PDE1C: variants seen among roughly 807,000 people sequenced by gnomAD.
PDE1C encodes the protein phosphodiesterase 1C, also known as dual specificity calcium/calmodulin-dependent 3',5'-cyclic nucleotide phosphodiesterase 1C.
Under a neutral mutation model 93.1 loss-of-function variants are expected in PDE1C, and 62 were observed. The ratio of observed to expected loss-of-function variants is 0.67; its 90% CI spans 0.54 to 0.82. PDE1C has a LOEUF of 0.82. Among genes scored for constraint, PDE1C ranks in the 40% least tolerant of loss-of-function variants. PDE1C has a pLI of 0.00. For synonymous variants in PDE1C, 325 were observed against 310.1 expected (o/e 1.05, Z -0.50); for missense variants, 742 against 884.6 (o/e 0.84, Z 2.04).
chr7:32,363,064 C>T lies in PDE1C; in HGVS notation c.310+64758G>A, dbSNP rs573187951. ...AGAGCATTCACTGTGTGCCAAGCAC[C>T]GTTCAGCTTCCTTTATAAATATAGT... is the stretch of plus-strand genomic sequence containing the variant. On this transcript the variant is annotated intron_variant, in intron 1 of 1. Coordinates refer to the PDE1C transcript ENST00000672256. Among the ~76,000 whole-genome samples the T allele has an allele frequency of 2.3e-3, 344 of 152,326 alleles. 1 individual carries two copies. The highest frequency in any genetic ancestry group is 3.8e-3 in the Non-Finnish European group (260 of 68,034).
the PDE1C span, among the ~76,000 whole-genome samples, chr7:31,702,216 T>TA: frequency 6.6e-6 from 1 of 151,972 alleles, no homozygotes; most frequent in African/African-American, 2.4e-5. Flanking sequence ...TATTTTTTTT[T>TA]TTGCCTCTAC....
chr7:32,354,538 G>T (rs1194000286), intron 1 of PDE1C, among the ~76,000 whole-genome samples: 1 of 152,172 alleles, frequency 6.6e-6, no homozygotes, highest in African/African-American at 2.4e-5. Flanking sequence ...GGCCGAGACT[G>T]CAATGAGCTG....
chr7:31,738,609 G>A, the PDE1C span, among the ~76,000 whole-genome samples: 1 of 152,132 alleles, frequency 6.6e-6, no homozygotes, highest in Non-Finnish European at 1.5e-5. Flanking sequence ...AGCTAGGAGA[G>A]GCATTTCTGC....
intron 1 of PDE1C, among the ~76,000 whole-genome samples, chr7:32,379,831 T>C (rs1046743109): frequency 1.3e-5 from 2 of 152,216 alleles, no homozygotes; most frequent in Non-Finnish European, 2.9e-5. Flanking sequence ...GTCCCTGGAA[T>C]TAGTCTTTCT....
chr7:32,370,225 G>A (rs538792938), intron 1 of PDE1C, among the ~76,000 whole-genome samples: 38 of 152,198 alleles, frequency 2.5e-4, no homozygotes, highest in Admixed American at 1.7e-3. Flanking sequence ...CGAGGAGGGC[G>A]GATCACGAGG....
chr7:32,239,256 C>T (rs1808370037), intron 1 of PDE1C, among the ~76,000 whole-genome samples: 1 of 151,874 alleles, frequency 6.6e-6, no homozygotes, highest in Non-Finnish European at 1.5e-5. Flanking sequence ...TATAGCCAAG[C>T]GTGATGGTGT....
At chr7:31,873,147 C>T (rs1249661358) in intron 6 of PDE1C, 145 bp downstream of exon 6, 1 of 593,282 alleles carries the variant, frequency 1.7e-6, no homozygotes, top group Non-Finnish European at 3.0e-6. Context: ...GAGGAATTCA[C>T]AGCAGTGGCT....
intron 1 of PDE1C, among the ~76,000 whole-genome samples, chr7:32,390,905 G>A (rs113928426): frequency 1.1e-4 from 17 of 151,790 alleles, no homozygotes; most frequent in African/African-American, 4.1e-4. Context: ...TAAAATTAAA[G>A]GCATTAAAAT....
At chr7:31,704,389 G>A in the PDE1C span, among the ~76,000 whole-genome samples, 1 of 152,134 alleles carries the variant, frequency 6.6e-6, no homozygotes, top group Non-Finnish European at 1.5e-5. Context: ...ATTGGCCCTT[G>A]GAGACTTTGG....
chr7:31,872,192 A>G (rs1005050677), intron 6 of PDE1C, among the ~76,000 whole-genome samples: 3 of 152,178 alleles, frequency 2.0e-5, no homozygotes, highest in African/African-American at 7.2e-5. Flanking sequence ...GCAGTCAGAG[A>G]GTAGAATGAT....
the PDE1C span, among the ~76,000 whole-genome samples, chr7:31,619,580 T>G: frequency 1.3e-5 from 2 of 152,060 alleles, no homozygotes; most frequent in Non-Finnish European, 2.9e-5. Context: ...AATGGTCAAG[T>G]AAGTTTGTAA....
intron 2 of PDE1C, among the ~76,000 whole-genome samples, chr7:31,882,827 A>G (rs536762702): frequency 5.4e-4 from 82 of 152,288 alleles, no homozygotes; most frequent in African/African-American, 2.0e-3. Flanking sequence ...AGAAGATCCT[A>G]TCTACCTATA....
chr7:32,017,204 C>A (rs1190974642), intron 2 of PDE1C, among the ~76,000 whole-genome samples: 1 of 152,006 alleles, frequency 6.6e-6, no homozygotes, highest in Non-Finnish European at 1.5e-5. Context: ...GACAAAAATG[C>A]CTTGACATTG....
At chr7:32,132,666 A>C (rs931537030) in intron 3 of PDE1C, among the ~76,000 whole-genome samples, 1 of 152,200 alleles carries the variant, frequency 6.6e-6, no homozygotes, top group African/African-American at 2.4e-5. Context: ...ACTTTGTCTC[A>C]AAAATAACAA....
At chr7:31,879,389 A>G in intron 3 of PDE1C, 1 of 526,082 alleles carries the variant, frequency 1.9e-6, no homozygotes, top group South Asian at 2.8e-5. Flanking sequence ...CTGATATTTC[A>G]GGATGGTTCT....
chr7:31,783,202 G>A (rs909528908), intron 16 of PDE1C, among the ~76,000 whole-genome samples: 7 of 152,166 alleles, frequency 4.6e-5, no homozygotes, highest in African/African-American at 1.7e-4. Context: ...GTACCCTGAA[G>A]AAAATTAAAC....
Position 31,757,802 on chromosome 7 carries a change from T to C in PDE1C, c.1961-4249A>G, listed in dbSNP as rs572190261. 3.9e-5 allele frequency among the ~76,000 whole-genome samples: 6 copies of C among 152,328 alleles called. No homozygotes were observed. In the East Asian group the frequency reaches 1.2e-3, roughly 29 times the overall value. Reference sequence around the variant, plus strand: ...CCCAGCCATCCCATTACTGGGTATATACCCAAAGGATTATAAATCATGCTG... The same window carrying C: ...CCCAGCCATCCCATTACTGGGTATACACCCAAAGGATTATAAATCATGCTG... On this transcript the variant is annotated intron_variant, in intron 17 of 17. Coordinates refer to ENST00000396191, the MANE Select transcript of PDE1C (RefSeq NM_001191057.4).
At chr7:32,206,841 G>C (rs143810454) in intron 2 of PDE1C, among the ~76,000 whole-genome samples, 1 of 152,324 alleles carries the variant, frequency 6.6e-6, no homozygotes, top group South Asian at 2.1e-4. Flanking sequence ...TGGTGTGCCT[G>C]CATTCACACA....
Position 32,298,065 on chromosome 7 carries a change from C to CTCTCTCTCTCTCTCTCTCTCTCTCT in PDE1C, c.85+585_85+586insAGAGAGAGAGAGAGAGAGAGAGAGA, listed in dbSNP as rs1562660556. On this transcript the variant is annotated intron_variant, in intron 1 of 18. Coordinates refer to the PDE1C transcript ENST00000396193. ...CTCTCTCTCTCTCTCTCTCTCTCTC[C>CTCTCTCTCTCTCTCTCTCTCTCTCT]CCTCTCTCTCTGAATTCCCCGGTCT... Among the ~76,000 whole-genome samples the CTCTCTCTCTCTCTCTCTCTCTCTCT allele has an allele frequency of 5.2e-4, 11 of 21,174 alleles. 3 individuals are homozygous for CTCTCTCTCTCTCTCTCTCTCTCTCT. Among genetic ancestry groups the CTCTCTCTCTCTCTCTCTCTCTCTCT allele is most frequent in the Non-Finnish European group, 8.2e-4 (10 of 12,148 alleles). The allele number at this position is 21,174 out of a possible 152,430, so 13.9% of individuals were successfully genotyped here.
Sources: allele counts gnomAD v4.1 joint callset (sites outside exome capture counted in the v4.1 genomes callset), GRCh38; gene constraint gnomAD v4.1.1; transcripts MANE v1.5; gene names NCBI Gene and HGNC (gene_info 2026-07-23, HGNC 2026-07-21).